ZNF644: variants seen among roughly 807,000 people sequenced by gnomAD.
ZNF644 encodes the protein zinc finger motif enhancer binding protein 2.
Under a neutral mutation model 108.0 loss-of-function variants are expected in ZNF644, and 20 were observed. The ratio of observed to expected loss-of-function variants is 0.19; its 90% CI spans 0.13 to 0.27. The LOEUF (loss-of-function observed/expected upper bound fraction) is 0.27. Ranked by LOEUF, ZNF644 falls within the 10% of genes least tolerant of loss-of-function variation. The pLI, the probability that ZNF644 is intolerant of heterozygous loss-of-function variation, is 1.00. For missense variants in ZNF644, 1,338 were observed against 1,548.9 expected, an observed-to-expected ratio of 0.86 and a Z score of 2.29; for synonymous variants, 542 against 539.1, an observed-to-expected ratio of 1.01 and a Z score of -0.08.
intron 1 of ZNF644, among the ~76,000 whole-genome samples, chr1:90,996,033 G>GCA (rs1658113907): frequency 6.6e-6 from 1 of 152,012 alleles, no homozygotes; most frequent in African/African-American, 2.4e-5. Flanking sequence ...CATAAATACT[G>GCA]CACACATTCT....
intron 2 of ZNF644, among the ~76,000 whole-genome samples, chr1:90,959,563 A>G (rs569902123): frequency 6.6e-6 from 1 of 152,314 alleles, no homozygotes; most frequent in East Asian, 1.9e-4. Flanking sequence ...ATTTAGCCAC[A>G]TAAAGAAATG....
At chr1:90,934,336 G>A (rs1221310589) in intron 4 of ZNF644, among the ~76,000 whole-genome samples, 1 of 152,088 alleles carries the variant, frequency 6.6e-6, no homozygotes, top group Non-Finnish European at 1.5e-5. Context: ...CTAAGTTCTA[G>A]GACATGAGGA....
intron 2 of ZNF644, among the ~76,000 whole-genome samples, chr1:90,979,631 T>C (rs1473935837): frequency 6.6e-6 from 1 of 152,190 alleles, no homozygotes; most frequent in African/African-American, 2.4e-5. Flanking sequence ...AATTTCTTCC[T>C]CCATCCTAAC....
chr1:91,010,278 T>C (rs960507502), intron 1 of ZNF644, among the ~76,000 whole-genome samples: 20 of 150,394 alleles, frequency 1.3e-4, no homozygotes, highest in African/African-American at 4.7e-4. Context: ...CTCACTCTGT[T>C]GCCCAGGCTG....
At chr1:90,986,569 GGT>G (rs1657120494) in intron 1 of ZNF644, among the ~76,000 whole-genome samples, 1 of 151,870 alleles carries the variant, frequency 6.6e-6, no homozygotes, top group Non-Finnish European at 1.5e-5. Flanking sequence ...TGGAAGGGGT[GGT>G]TAGAATATGG....
At chr1:90,950,559 T>C (rs529773168) in intron 2 of ZNF644, among the ~76,000 whole-genome samples, 15 of 151,672 alleles carry the variant, frequency 9.9e-5, no homozygotes, top group Non-Finnish European at 1.9e-4. Context: ...CATGAATCTC[T>C]TGGCACACAA....
In ZNF644 at chr1:90,940,901, A is replaced by G. The variant is rs779818997; in HGVS notation, c.453T>C (p.Ser151=). The stretch of plus-strand genomic sequence containing the variant: ...CAGCTGCTACCTTCAAAGTTGAACA[A>G]GATTCTGTTGTTGGCTGATCCACAG... The part of the protein sequence containing the change: ...GQPVDQPTTE[S]CSTLKVAADL... The change falls in exon 3 of 6, where the codon TCT becomes TCC. Residue 151 remains serine, a synonymous_variant. Transcript: ENST00000337393. 6.2e-7 allele frequency: 1 copy of G among 1,614,090 alleles called. No homozygotes were observed. The highest frequency in any genetic ancestry group is 8.5e-7 in the Non-Finnish European group (1 of 1,179,980).
intron 1 of ZNF644, among the ~76,000 whole-genome samples, chr1:90,998,530 C>G (rs1403656347): frequency 6.6e-6 from 1 of 152,132 alleles, no homozygotes; most frequent in African/African-American, 2.4e-5. Context: ...GACATCCACG[C>G]CAAAACCCCA....
intron 2 of ZNF644, among the ~76,000 whole-genome samples, chr1:90,952,471 A>AT (rs1042607243): frequency 9.5e-4 from 144 of 152,260 alleles, no homozygotes; most frequent in African/African-American, 3.2e-3. Context: ...ACAACTAGGC[A>AT]TTTTTTTCAA....
At chr1:90,918,018 G>T (rs765737360) in intron 5 of ZNF644, 34 bp downstream of exon 5, 4 of 1,549,332 alleles carry the variant, frequency 2.6e-6, no homozygotes, top group Non-Finnish European at 3.6e-6. Context: ...AAAGTATGAA[G>T]AAACTGATCA....
chr1:90,956,607 AT>A (rs143456394), intron 2 of ZNF644, among the ~76,000 whole-genome samples: 2,407 of 152,344 alleles, frequency 0.016, 36 homozygotes, highest in South Asian at 0.049. Context: ...CAAATTAGCC[AT>A]CTCACTTTAT....
intron 2 of ZNF644, among the ~76,000 whole-genome samples, chr1:90,969,864 C>A (rs562214261): frequency 1.3e-5 from 2 of 152,154 alleles, no homozygotes; most frequent in Non-Finnish European, 2.9e-5. Context: ...GTATCCCCCA[C>A]GGATTAGGTA....
chr1:90,969,239 C>A (rs1019771810), intron 2 of ZNF644, among the ~76,000 whole-genome samples: 2 of 152,008 alleles, frequency 1.3e-5, no homozygotes, highest in Non-Finnish European at 2.9e-5. Flanking sequence ...GATGGGCATG[C>A]ACTGAGAAAG....
chr1:90,931,876 T>C (rs2100875726), intron 4 of ZNF644, among the ~76,000 whole-genome samples: 1 of 152,260 alleles, frequency 6.6e-6, no homozygotes, highest in East Asian at 1.9e-4. Flanking sequence ...ACTTTCCTTT[T>C]ATTCTGGCAT....
chr1:90,942,427 C>T (rs1201549712), intron 2 of ZNF644, among the ~76,000 whole-genome samples: 2 of 152,074 alleles, frequency 1.3e-5, no homozygotes, highest in Non-Finnish European at 2.9e-5. Flanking sequence ...TTAGAAATGG[C>T]CACATTGGAA....
At chr1:90,971,231 T>A (rs374128969) in intron 2 of ZNF644, among the ~76,000 whole-genome samples, 211 of 142,614 alleles carry the variant, frequency 1.5e-3, no homozygotes, top group African/African-American at 1.8e-3. Flanking sequence ...TTCATCAACA[T>A]AAAAAAAAAA....
intron 1 of ZNF644, among the ~76,000 whole-genome samples, chr1:91,010,237 T>C (rs1312275733): frequency 3.2e-5 from 3 of 94,176 alleles, no homozygotes; most frequent in Admixed American, 1.1e-4. Flanking sequence ...TGTCTGTGCC[T>C]TTTTTTTTTT....
intron 1 of ZNF644, among the ~76,000 whole-genome samples, chr1:90,987,349 A>G (rs989781759): frequency 3.3e-5 from 5 of 151,590 alleles, no homozygotes; most frequent in African/African-American, 1.2e-4. Flanking sequence ...TCTGAAATGA[A>G]AGAGGGGACA....
intron 1 of ZNF644, among the ~76,000 whole-genome samples, chr1:90,999,250 C>T (rs1658501206): frequency 6.6e-6 from 1 of 152,068 alleles, no homozygotes; most frequent in Admixed American, 6.6e-5. Flanking sequence ...GTCAGATTCA[C>T]CAAAGTTGAA....
Sources: gnomAD v4.1 joint callset for allele counts (sites outside exome capture counted in the v4.1 genomes callset) on GRCh38, gnomAD v4.1.1 for gene constraint, MANE v1.5 for transcripts, NCBI Gene and HGNC (gene_info 2026-07-23, HGNC 2026-07-21) for gene names.